PITPNM3: variants seen among roughly 807,000 people sequenced by gnomAD.
PITPNM3 encodes the protein PITPNM family member 3, also known as membrane-associated phosphatidylinositol transfer protein 3.
Under a neutral mutation model 102.0 loss-of-function variants are expected in PITPNM3, and 26 were observed. That is an observed-to-expected ratio of 0.25 (90% CI 0.19 to 0.35). The LOEUF (loss-of-function observed/expected upper bound fraction) is 0.35. Ranked by LOEUF, PITPNM3 falls within the 10% of genes least tolerant of loss-of-function variation. The pLI, the probability that PITPNM3 is intolerant of heterozygous loss-of-function variation, is 1.00. For synonymous variants in PITPNM3, 578 were observed against 558.6 expected, an observed-to-expected ratio of 1.03 and a Z score of -0.49; for missense variants, 1,083 against 1,346.1, an observed-to-expected ratio of 0.80 and a Z score of 3.06.
chr17:6,495,496 C>A (rs1906749127), intron 4 of PITPNM3, among the ~76,000 whole-genome samples: 1 of 152,172 alleles, frequency 6.6e-6, no homozygotes, highest in Non-Finnish European at 1.5e-5. Context: ...CCCTTCGCAA[C>A]TCCAGGAAGA....
At chr17:6,466,313 A>G (rs1382004191) in intron 14 of PITPNM3, among the ~76,000 whole-genome samples, 2 of 152,222 alleles carry the variant, frequency 1.3e-5, no homozygotes, top group Admixed American at 6.5e-5. Context: ...TTCAATTCCC[A>G]TGCATTTTAA....
At chr17:6,487,511 CCCTGGCATG>C (rs1220603089) in intron 4 of PITPNM3, among the ~76,000 whole-genome samples, 1 of 152,190 alleles carries the variant, frequency 6.6e-6, no homozygotes, top group African/African-American at 2.4e-5. Flanking sequence ...CCTCCCTGAG[CCCTGGCATG>C]CTCCTCGGCC....
Position 6,457,855 on chromosome 17 carries a change from C to T in PITPNM3, c.2491-133G>A. 1 of 1,305,114 alleles carries T rather than the reference C, an allele frequency of 7.7e-7. No homozygotes were observed. The highest frequency in any genetic ancestry group is 1.3e-5 in the South Asian group (1 of 78,226). 80.8% of individuals were successfully genotyped at this position (1,305,114 alleles called of 1,614,324 possible). On this transcript the variant is annotated intron_variant, in intron 18 of 19. Transcript: ENST00000262483. This position sits in a 1 kb window ranked among gnomAD's most constrained non-coding sequence, Gnocchi z 4.7. ...TCTGGTAGACTCCAAGCCATGGGGC[C>T]ACCCTGTGTCAGGAATGAACCCTCA...
chr17:6,531,578 T>C (rs1435751080), intron 2 of PITPNM3, among the ~76,000 whole-genome samples: 2 of 152,244 alleles, frequency 1.3e-5, no homozygotes, highest in African/African-American at 2.4e-5. Flanking sequence ...CATCCTGCAC[T>C]ACGGACTCTG....
rs1913991859 is a variant in PITPNM3 at position 6,454,452 on chromosome 17, A to G, written c.*886T>C. 1 of 152,302 alleles carries G rather than the reference A, an allele frequency of 6.6e-6. No homozygotes were observed. The highest frequency in any genetic ancestry group is 2.1e-4 in the South Asian group (1 of 4,830). 9.4% of individuals were successfully genotyped at this position (152,302 alleles called of 1,614,324 possible). A position where few individuals can be genotyped will look rare whatever the true frequency, so the allele number is the denominator to read the frequency against. On this transcript the variant is annotated 3_prime_UTR_variant, in exon 20 of 20. Transcript: ENST00000262483. ...GGGACCCTTAGGCCTGAAGAGCCTC[A>G]ATGGGCCAAACTGCAGGACATCTTG...
intron 14 of PITPNM3, among the ~76,000 whole-genome samples, chr17:6,465,026 TTTGA>T (rs1051203489): frequency 1.4e-4 from 21 of 152,290 alleles, no homozygotes; most frequent in Middle Eastern, 3.4e-3. Context: ...GTGTTTTTTG[TTTGA>T]TTGATTGTTT....
chr17:6,552,004 G>C (rs1241338399), intron 1 of PITPNM3, among the ~76,000 whole-genome samples: 4 of 152,260 alleles, frequency 2.6e-5, no homozygotes, highest in African/African-American at 9.6e-5. Context: ...CCTCTCACGG[G>C]CCCTCAGCGA....
intron 6 of PITPNM3, chr17:6,480,994 G>A (rs1360726241): frequency 2.0e-5 from 3 of 152,302 alleles, no homozygotes; most frequent in Non-Finnish European, 1.5e-5. Context: ...AAGCTGCCCA[G>A]CGCTCAACCA....
intron 1 of PITPNM3, among the ~76,000 whole-genome samples, chr17:6,553,545 G>T (rs1910431970): frequency 6.6e-6 from 1 of 152,148 alleles, no homozygotes. Flanking sequence ...TTATTCACTA[G>T]ACCACACGTG....
chr17:6,544,625 GTCTC>G (rs67144965), intron 1 of PITPNM3, among the ~76,000 whole-genome samples: 77 of 137,268 alleles, frequency 5.6e-4, no homozygotes, highest in Middle Eastern at 3.8e-3. Context: ...TTTGAATGGT[GTCTC>G]TCTCTCTCTC....
intron 2 of PITPNM3, among the ~76,000 whole-genome samples, chr17:6,535,868 G>T (rs1909388068): frequency 6.6e-6 from 1 of 151,926 alleles, no homozygotes; most frequent in Non-Finnish European, 1.5e-5. Context: ...GACCAGCCTG[G>T]CCAGCATAGT....
chr17:6,508,032 C>A (rs1415999829), intron 3 of PITPNM3, among the ~76,000 whole-genome samples: 1 of 149,572 alleles, frequency 6.7e-6, no homozygotes, highest in Non-Finnish European at 1.5e-5. Context: ...GCTGGGGTTG[C>A]TGGGAATGCT....
intron 6 of PITPNM3, chr17:6,480,245 C>T (rs981822541): frequency 6.6e-6 from 1 of 152,242 alleles, no homozygotes; most frequent in Admixed American, 6.5e-5. Context: ...TTCCTTCCAA[C>T]TCTGATTGAG....
At position 6,537,703 on chromosome 17, in the gene PITPNM3, A is replaced by G. The variant is rs539921281; in HGVS notation, c.118+284T>C. Among the ~76,000 whole-genome samples the G allele has an allele frequency of 1.5e-4, 23 of 152,200 alleles. No individual in the cohort carries two copies. Among genetic ancestry groups the G allele is most frequent in the Non-Finnish European group, 2.9e-4 (20 of 68,034 alleles). On this transcript the variant is annotated intron_variant, in intron 2 of 19. Transcript: ENST00000262483. The surrounding 1 kb of genome is among the most constrained non-coding windows in gnomAD (Gnocchi z 4.4). ...GGATGTCTGCCTCTCCTGCAAGGCT[A>G]TAAGTATGATGAGAGCAGCAATGTG...
At chr17:6,550,923 G>C (rs999299825) in intron 1 of PITPNM3, among the ~76,000 whole-genome samples, 4 of 152,234 alleles carry the variant, frequency 2.6e-5, no homozygotes, top group African/African-American at 9.6e-5. Flanking sequence ...AGCCAGAACT[G>C]AGCGGCAACA....
At chr17:6,514,738 A>G (rs1908058067) in intron 3 of PITPNM3, among the ~76,000 whole-genome samples, 1 of 152,228 alleles carries the variant, frequency 6.6e-6, no homozygotes, top group Non-Finnish European at 1.5e-5. Flanking sequence ...TGATATAGCA[A>G]TTCCACTCCT....
At chr17:6,487,521 C>T (rs1906168043) in intron 4 of PITPNM3, among the ~76,000 whole-genome samples, 1 of 152,190 alleles carries the variant, frequency 6.6e-6, no homozygotes, top group Admixed American at 6.5e-5. Context: ...CCCTGGCATG[C>T]TCCTCGGCCT....
intron 1 of PITPNM3, among the ~76,000 whole-genome samples, chr17:6,551,201 C>A (rs1567699143): frequency 1.3e-5 from 2 of 151,996 alleles, no homozygotes; most frequent in African/African-American, 4.8e-5. Context: ...ACTAAAAATA[C>A]AAAAAATTAG....
At chr17:6,545,547 C>T (rs1041207310) in intron 1 of PITPNM3, among the ~76,000 whole-genome samples, 1 of 152,206 alleles carries the variant, frequency 6.6e-6, no homozygotes, top group African/African-American at 2.4e-5. Flanking sequence ...CCCATCCCAG[C>T]CTCTCCTTCC....
Sources: allele counts gnomAD v4.1 joint callset (sites outside exome capture counted in the v4.1 genomes callset), GRCh38; gene constraint gnomAD v4.1.1; non-coding constraint Gnocchi (gnomAD v3.1); transcripts MANE v1.5; gene names NCBI Gene and HGNC (gene_info 2026-07-23, HGNC 2026-07-21).